The following TMTC1 variants were observed in gnomAD, a reference collection of about 807,000 sequenced individuals.
The protein encoded by TMTC1 is protein O-mannosyl-transferase TMTC1.
In TMTC1, 73 loss-of-function variants were observed where a neutral mutation model predicts 104.8. That is an observed-to-expected ratio of 0.70 (90% CI 0.58 to 0.85). The LOEUF is 0.85. Among genes scored for constraint, TMTC1 ranks in the 40% least tolerant of loss-of-function variants. TMTC1 has a pLI of 0.00. For missense variants in TMTC1, 1,035 were observed against 1,096.1 expected, an observed-to-expected ratio of 0.94 and a Z score of 0.79; for synonymous variants, 434 against 428.7, an observed-to-expected ratio of 1.01 and a Z score of -0.15.
At chr12:29,557,532 C>A (rs1291734426) in intron 9 of TMTC1, among the ~76,000 whole-genome samples, 1 of 152,238 alleles carries the variant, frequency 6.6e-6, no homozygotes, top group Non-Finnish European at 1.5e-5. Flanking sequence ...CTCACTGCAA[C>A]CCCCGCCTCC....
At chr12:29,594,083 T>A (rs748200805) in intron 7 of TMTC1, among the ~76,000 whole-genome samples, 2 of 152,230 alleles carry the variant, frequency 1.3e-5, no homozygotes, top group Non-Finnish European at 2.9e-5. Flanking sequence ...ACTCCAGGAC[T>A]GGCTTCCTTC....
chr12:29,776,215 C>A (rs1943703736), intron 1 of TMTC1, among the ~76,000 whole-genome samples: 3 of 152,184 alleles, frequency 2.0e-5, no homozygotes, highest in Admixed American at 1.3e-4. Context: ...ATCCACCAAC[C>A]ATTTGTGCTG....
chr12:29,731,072 T>C (rs961578488), intron 5 of TMTC1, among the ~76,000 whole-genome samples: 2 of 152,198 alleles, frequency 1.3e-5, no homozygotes, highest in African/African-American at 4.8e-5. Context: ...AAAAATCTAT[T>C]TTCTGCAGTT....
intron 5 of TMTC1, among the ~76,000 whole-genome samples, chr12:29,638,508 A>T (rs1190405574): frequency 6.6e-6 from 1 of 152,106 alleles, no homozygotes; most frequent in African/African-American, 2.4e-5. Flanking sequence ...TTTCTGGTAC[A>T]CTAGGGCAAG....
intron 10 of TMTC1, among the ~76,000 whole-genome samples, chr12:29,551,901 T>G (rs970162331): frequency 1.3e-5 from 2 of 152,146 alleles, no homozygotes; most frequent in Non-Finnish European, 1.5e-5. Flanking sequence ...ACTGTAAATG[T>G]GCTGCACAGC....
intron 8 of TMTC1, 27 bp from the exon 9 acceptor site, chr12:29,572,245 A>G: frequency 1.3e-6 from 2 of 1,523,658 alleles, no homozygotes; most frequent in Non-Finnish European, 1.8e-6. Context: ...TTTAAAAAGA[A>G]TTATTTGACA....
chr12:29,698,854 AAG>A (rs1242833359), intron 5 of TMTC1, among the ~76,000 whole-genome samples: 2 of 152,222 alleles, frequency 1.3e-5, no homozygotes, highest in African/African-American at 2.4e-5. Context: ...GAAATGGGGA[AAG>A]AGGGGGTTAA....
At chr12:29,770,484 A>G (rs1299971167) in intron 1 of TMTC1, among the ~76,000 whole-genome samples, 1 of 152,192 alleles carries the variant, frequency 6.6e-6, no homozygotes, top group Admixed American at 6.5e-5. Flanking sequence ...ACCTAATTCC[A>G]TCTGTGGGGT....
intron 5 of TMTC1, among the ~76,000 whole-genome samples, chr12:29,672,829 A>G (rs1011119643): frequency 6.6e-5 from 10 of 152,190 alleles, no homozygotes; most frequent in African/African-American, 2.4e-4. Flanking sequence ...CTGCAGACAA[A>G]GGCCTGCAGT....
chr12:29,747,410 G>C (rs1392443473), intron 5 of TMTC1, among the ~76,000 whole-genome samples: 1 of 152,128 alleles, frequency 6.6e-6, no homozygotes, highest in Non-Finnish European at 1.5e-5. Flanking sequence ...AAGTCAATCA[G>C]TAAGTCACAT....
intron 3 of TMTC1, among the ~76,000 whole-genome samples, chr12:29,758,292 T>C (rs1943263339): frequency 6.6e-6 from 1 of 152,232 alleles, no homozygotes; most frequent in African/African-American, 2.4e-5. Context: ...AGCTCTGAGT[T>C]ACTTTGGTGA....
intron 7 of TMTC1, among the ~76,000 whole-genome samples, chr12:29,588,224 T>G (rs1023486221): frequency 6.6e-6 from 1 of 152,202 alleles, no homozygotes; most frequent in Non-Finnish European, 1.5e-5. Context: ...GCAAGAGCCT[T>G]GCACTTGTCA....
intron 2 of TMTC1, 51 bp downstream of exon 2, chr12:29,767,847 T>C (rs1943505488): frequency 1.3e-6 from 2 of 1,532,154 alleles, no homozygotes; most frequent in East Asian, 4.6e-5. Flanking sequence ...TATACACGTA[T>C]ACATACACAC....
intron 7 of TMTC1, among the ~76,000 whole-genome samples, chr12:29,589,577 A>G (rs1946226975): frequency 6.6e-6 from 1 of 152,176 alleles, no homozygotes; most frequent in Admixed American, 6.5e-5. Flanking sequence ...TGACATCTCA[A>G]TAGTCATTTT....
At chr12:29,580,893 T>A (rs947119233) in intron 8 of TMTC1, among the ~76,000 whole-genome samples, 2 of 152,158 alleles carry the variant, frequency 1.3e-5, no homozygotes, top group South Asian at 4.1e-4. Flanking sequence ...AGCTCCTCTA[T>A]GCACATTCTC....
intron 1 of TMTC1, among the ~76,000 whole-genome samples, chr12:29,780,671 G>A (rs1943815431): frequency 6.6e-6 from 1 of 152,024 alleles, no homozygotes; most frequent in African/African-American, 2.4e-5. Flanking sequence ...AAAAATAGAA[G>A]TACATATAAA....
intron 5 of TMTC1, among the ~76,000 whole-genome samples, chr12:29,730,115 T>C (rs1448354005): frequency 2.0e-5 from 3 of 152,134 alleles, no homozygotes; most frequent in African/African-American, 7.2e-5. Flanking sequence ...AAGCAGCATA[T>C]AGATGTGGAT....
chr12:29,736,690 T>C (rs1565803706), intron 5 of TMTC1, among the ~76,000 whole-genome samples: 1 of 152,196 alleles, frequency 6.6e-6, no homozygotes, highest in Non-Finnish European at 1.5e-5. Flanking sequence ...AGTGCTGGGA[T>C]TACAGGCGTA....
At chr12:29,687,024 G>A (rs569670383) in intron 5 of TMTC1, among the ~76,000 whole-genome samples, 3 of 152,094 alleles carry the variant, frequency 2.0e-5, no homozygotes, top group Non-Finnish European at 4.4e-5. Context: ...CTTCATAGTA[G>A]AAAGCTAAGA....
Sources: gnomAD v4.1 joint callset for allele counts (sites outside exome capture counted in the v4.1 genomes callset) on GRCh38, gnomAD v4.1.1 for gene constraint, MANE v1.5 for transcripts, NCBI Gene and HGNC (gene_info 2026-07-23, HGNC 2026-07-21) for gene names.